DNAH11: variants seen among roughly 807,000 people sequenced by gnomAD.
DNAH11 encodes the protein dynein axonemal heavy chain 11.
A neutral mutation model predicts 526.0 loss-of-function variants in DNAH11; 442 were observed. The observed-to-expected ratio is 0.84, with a 90% CI of 0.78 to 0.91. The LOEUF is 0.91. DNAH11 is among the 40% of genes least tolerant of loss of function. DNAH11 has a pLI of 0.00. For synonymous variants in DNAH11, 2,461 were observed against 1,935.9 expected (o/e 1.27, Z -7.12); for missense variants, 6,989 against 5,448.7 (o/e 1.28, Z -8.90).
intron 54 of DNAH11, among the ~76,000 whole-genome samples, chr7:21,758,822 C>G (rs1405363753): frequency 1.3e-5 from 2 of 152,184 alleles, no homozygotes; most frequent in African/African-American, 2.4e-5. Flanking sequence ...TCTCATTTTG[C>G]TAGCATTCAG....
chr7:21,749,615 A>C, intron 52 of DNAH11, 63 bp from the exon 53 acceptor site: 1 of 1,597,548 alleles, frequency 6.3e-7, no homozygotes, highest in Non-Finnish European at 8.5e-7. Context: ...CAGCACTCAC[A>C]CACAACCTCT....
intron 62 of DNAH11, among the ~76,000 whole-genome samples, chr7:21,804,270 G>A (rs994553022): frequency 2.0e-5 from 3 of 151,848 alleles, no homozygotes; most frequent in East Asian, 1.9e-4. Flanking sequence ...CACCACATCC[G>A]GCTAATTTTT....
rs929318838 is a variant in DNAH11, at chr7:21,750,271, T to C, written c.8847T>C (p.Ser2949=). The part of the protein sequence containing the change: ...FSDEDVDKII[S]GIHNEVHALG... ...ATGAAGATGTGGACAAGATAATTTC[T>C]GGAATTCATAATGAAGTTCATGCTC... The change falls in exon 54 of 82, where the codon TCT becomes TCC. Residue 2949 remains serine (S), a synonymous_variant. Transcript: ENST00000409508. The C allele has an allele frequency of 1.2e-6, 2 of 1,605,318 alleles. No individual in the cohort carries two copies. Among genetic ancestry groups the C allele is most frequent in the Non-Finnish European group, 8.5e-7 (1 of 1,175,654 alleles).
chr7:21,894,173 G>A (rs1469085743), intron 77 of DNAH11, among the ~76,000 whole-genome samples: 1 of 152,136 alleles, frequency 6.6e-6, no homozygotes, highest in Non-Finnish European at 1.5e-5. Flanking sequence ...ACAGGCGTGA[G>A]CCACTGTGCC....
At chr7:21,854,563 T>G (rs1782762609) in intron 68 of DNAH11, 108 bp downstream of exon 68, 3 of 1,209,272 alleles carry the variant, frequency 2.5e-6, no homozygotes, top group Non-Finnish European at 3.4e-6. Flanking sequence ...ATTATTACTA[T>G]TATTGAGACA....
At chr7:21,827,656 A>G (rs1307584058) in intron 65 of DNAH11, among the ~76,000 whole-genome samples, 3 of 116,822 alleles carry the variant, frequency 2.6e-5, no homozygotes, top group Non-Finnish European at 1.7e-5. Context: ...TAAAAAATTT[A>G]TTTTTACAGA....
At chr7:21,770,034 C>G (rs1012629845) in intron 55 of DNAH11, among the ~76,000 whole-genome samples, 1 of 152,114 alleles carries the variant, frequency 6.6e-6, no homozygotes, top group African/African-American at 2.4e-5. Context: ...AAACAGCATA[C>G]AATTTAGAAA....
chr7:21,729,564 CTT>C (rs1168271384), intron 45 of DNAH11, among the ~76,000 whole-genome samples: 4 of 152,202 alleles, frequency 2.6e-5, no homozygotes, highest in Admixed American at 6.5e-5. Context: ...ATCTTCAACA[CTT>C]TTCTTAGAAA....
chr7:21,680,845 A>C (rs1051611956), intron 30 of DNAH11, among the ~76,000 whole-genome samples: 2 of 152,234 alleles, frequency 1.3e-5, no homozygotes, highest in Non-Finnish European at 2.9e-5. Context: ...TGTTAGGTGA[A>C]TGCTTTTCTA....
In DNAH11 at chr7:21,873,507, AAAGCGAAG is replaced by A. The variant is rs756589275; in HGVS notation, c.12195+7_12195+14del. 24 of 1,613,520 alleles carry A rather than the reference AAAGCGAAG, an allele frequency of 1.5e-5. No individual in the cohort carries two copies. In the South Asian group the frequency reaches 2.6e-4, roughly 18 times the overall value. ...CCCTGTACAACTTTGATCAGGTAAG[AAAGCGAAG>A]CAGGCTAGGCAGACAATGAAGTCAG... On this transcript the variant is annotated splice_region_variant and intron_variant, in intron 74 of 81. Transcript: ENST00000409508.
intron 30 of DNAH11, among the ~76,000 whole-genome samples, chr7:21,674,645 C>G (rs1334891289): frequency 6.6e-6 from 1 of 152,062 alleles, no homozygotes. Context: ...CTTCCCTTTT[C>G]TTTTCCTCTT....
At chr7:21,899,305 C>T (rs1453898905) in intron 79 of DNAH11, 31 bp from the exon 80 acceptor site, 1 of 1,571,074 alleles carries the variant, frequency 6.4e-7, no homozygotes. Flanking sequence ...TACTGAACAG[C>T]AAGTTTTTCT....
At chr7:21,585,793 G>A (rs1321371135) in intron 9 of DNAH11, among the ~76,000 whole-genome samples, 1 of 152,184 alleles carries the variant, frequency 6.6e-6, no homozygotes, top group African/African-American at 2.4e-5. Flanking sequence ...AATGGCAATG[G>A]TGTTATGAAA....
In DNAH11 at chr7:21,707,801, A is replaced by G. The variant is rs1382828574; in HGVS notation, c.6649A>G (p.Ile2217Val). ...AVTTDELFGF[I>V]HHATREWKDG... The stretch of plus-strand genomic sequence containing the variant: ...GACAACAGATGAACTCTTTGGTTTC[A>G]TACATCATGCTACCCGAGAATGGAA... Residue 2217 changes from isoleucine to valine, a missense_variant, in exon 40 of 82, where the codon ATA becomes GTA. By Grantham distance (29) the Ile-to-Val change is conservative (BLOSUM62 3). Transcript: ENST00000409508. 6.2e-7 allele frequency: 1 copy of G among 1,609,360 alleles called. No individual in the cohort carries two copies. The highest frequency in any genetic ancestry group is 1.3e-5 in the African/African-American group (1 of 74,722).
intron 25 of DNAH11, among the ~76,000 whole-genome samples, chr7:21,622,380 A>C (rs1786105566): frequency 6.6e-6 from 1 of 152,220 alleles, no homozygotes; most frequent in Non-Finnish European, 1.5e-5. Context: ...ATATTGTGAA[A>C]ATGGCCATAC....
chr7:21,655,754 A>C, intron 28 of DNAH11, 78 bp from the exon 29 acceptor site: 1 of 1,415,908 alleles, frequency 7.1e-7, no homozygotes, highest in Non-Finnish European at 9.7e-7. Flanking sequence ...TCATGACTTC[A>C]TATGGCATCA....
intron 63 of DNAH11, among the ~76,000 whole-genome samples, chr7:21,809,131 G>A (rs563081979): frequency 6.6e-5 from 10 of 152,120 alleles, no homozygotes; most frequent in South Asian, 2.1e-4. Context: ...CTGATGACTC[G>A]GTGATGTTGA....
At chr7:21,648,368 G>A (rs1484892968) in intron 28 of DNAH11, among the ~76,000 whole-genome samples, 2 of 152,196 alleles carry the variant, frequency 1.3e-5, no homozygotes, top group Non-Finnish European at 2.9e-5. Flanking sequence ...GTTGCCATAT[G>A]ACTTGTTTTG....
intron 64 of DNAH11, 79 bp from the exon 65 acceptor site, chr7:21,818,138 A>T: frequency 1.4e-6 from 2 of 1,407,458 alleles, no homozygotes; most frequent in South Asian, 1.3e-5. Flanking sequence ...TACATTAAAT[A>T]TAATTTGATC....
Sources: gnomAD v4.1 joint callset for allele counts (sites outside exome capture counted in the v4.1 genomes callset) on GRCh38, gnomAD v4.1.1 for gene constraint, MANE v1.5 for transcripts, NCBI Gene and HGNC (gene_info 2026-07-23, HGNC 2026-07-21) for gene names.